Variants in DYNC2I1 observed in about 807,000 individuals in gnomAD.
The protein encoded by DYNC2I1 is cytoplasmic dynein 2 intermediate chain 1.
A neutral mutation model predicts 133.4 loss-of-function variants in DYNC2I1; 89 were observed. The ratio of observed to expected loss-of-function variants is 0.67; its 90% CI spans 0.56 to 0.80. DYNC2I1 has a LOEUF of 0.80. DYNC2I1 is among the 30% of genes least tolerant of loss of function. The pLI is 0.00. For missense variants in DYNC2I1, 1,291 were observed against 1,314.5 expected, an observed-to-expected ratio of 0.98 and a Z score of 0.28; for synonymous variants, 504 against 484.3, an observed-to-expected ratio of 1.04 and a Z score of -0.54.
intron 1 of DYNC2I1, chr7:158,869,534 A>G (rs1043609247): frequency 6.1e-6 from 3 of 493,616 alleles, no homozygotes; most frequent in Non-Finnish European, 8.2e-6. Context: ...GTCTGACACA[A>G]GATATTTTAA....
At chr7:158,920,051 G>A (rs1277290869) in intron 15 of DYNC2I1, among the ~76,000 whole-genome samples, 2 of 151,510 alleles carry the variant, frequency 1.3e-5, no homozygotes, top group Admixed American at 1.3e-4. Context: ...CCTCCAACGG[G>A]GAACACGTGA....
At chr7:158,888,826 T>C (rs991075010) in intron 7 of DYNC2I1, among the ~76,000 whole-genome samples, 1 of 152,170 alleles carries the variant, frequency 6.6e-6, no homozygotes, top group African/African-American at 2.4e-5. Flanking sequence ...AACATAATTT[T>C]ACATAAATTA....
At chr7:158,949,807 C>T (rs1222635251), downstream of DYNC2I1, among the ~76,000 whole-genome samples, 24 of 150,820 alleles carry the variant, frequency 1.6e-4, no homozygotes, top group Non-Finnish European at 1.5e-5. Context: ...GTTTCGCTCT[C>T]CTTGTCTAGG....
Position 158,901,769 on chromosome 7 carries a change from A to T in DYNC2I1, c.1090A>T (p.Asn364Tyr). ...TGAAAAGGAAGAAACTGATTTAGAA[A>T]ATGCTAGAGCTGATGCATATACAGC... ...EIEKEETDLE[N>Y]ARADAYTASC... Residue 364 changes from asparagine to tyrosine, a missense_variant, in exon 9 of 25, where the codon AAT becomes TAT. By Grantham distance (143) the Asn-to-Tyr change is moderately radical. Coordinates refer to ENST00000407559, the MANE Select transcript of DYNC2I1 (RefSeq NM_018051.5). The T allele has an allele frequency of 6.3e-7, 1 of 1,582,106 alleles. No homozygotes were observed. The highest frequency in any genetic ancestry group is 8.6e-7 in the Non-Finnish European group (1 of 1,164,320).
intron 1 of DYNC2I1, among the ~76,000 whole-genome samples, chr7:158,862,066 C>T (rs750816297): frequency 5.3e-5 from 8 of 152,180 alleles, no homozygotes; most frequent in African/African-American, 1.2e-4. Flanking sequence ...GGTCTCTTAG[C>T]GTGCGCCCTA....
intron 5 of DYNC2I1, among the ~76,000 whole-genome samples, chr7:158,882,566 C>CAT (rs1224122265): frequency 6.6e-6 from 1 of 151,970 alleles, no homozygotes; most frequent in Non-Finnish European, 1.5e-5. Flanking sequence ...CTGCGTGGTA[C>CAT]AGTAAGACCT....
intron 21 of DYNC2I1, among the ~76,000 whole-genome samples, chr7:158,932,606 C>T (rs770338217): frequency 3.3e-5 from 5 of 152,170 alleles, no homozygotes; most frequent in Non-Finnish European, 5.9e-5. Context: ...TGGTCAGGAG[C>T]CATTGCAGCA....
chr7:158,909,088 T>G (rs531728811), intron 11 of DYNC2I1, among the ~76,000 whole-genome samples: 30 of 152,152 alleles, frequency 2.0e-4, no homozygotes, highest in African/African-American at 6.7e-4. Flanking sequence ...CCCAGCACTT[T>G]GGAAGACTGA....
At chr7:158,933,882 A>T (rs1033845782) in intron 21 of DYNC2I1, among the ~76,000 whole-genome samples, 2 of 152,258 alleles carry the variant, frequency 1.3e-5, no homozygotes, top group Admixed American at 6.5e-5. Context: ...TTTACAACCA[A>T]GTGAATGGTT....
chr7:158,934,267 C>T (rs1850527951), intron 22 of DYNC2I1, 39 bp downstream of exon 22: 2 of 1,566,522 alleles, frequency 1.3e-6, no homozygotes, highest in East Asian at 2.2e-5. Flanking sequence ...TACTCATTCT[C>T]CTTGTTTTCC....
chr7:158,921,987 T>G (rs911909911), intron 15 of DYNC2I1, among the ~76,000 whole-genome samples: 2 of 152,196 alleles, frequency 1.3e-5, no homozygotes, highest in African/African-American at 4.8e-5. Context: ...CACGTGGTGT[T>G]CCAGTGCTGA....
chr7:158,876,288 G>A (rs1843350446), intron 3 of DYNC2I1, among the ~76,000 whole-genome samples: 2 of 151,974 alleles, frequency 1.3e-5, no homozygotes, highest in African/African-American at 4.8e-5. Flanking sequence ...GCACCCAGGG[G>A]GAAATTCACC....
chr7:158,882,886 A>C (rs1306936595), intron 5 of DYNC2I1, among the ~76,000 whole-genome samples: 1 of 152,008 alleles, frequency 6.6e-6, no homozygotes, highest in Non-Finnish European at 1.5e-5. Flanking sequence ...AAAAAAAAAA[A>C]AAAAAGGAAA....
chr7:158,863,232 T>A (rs1842033874), intron 1 of DYNC2I1, among the ~76,000 whole-genome samples: 1 of 151,912 alleles, frequency 6.6e-6, no homozygotes, highest in East Asian at 1.9e-4. Context: ...TTTTACAGAG[T>A]GCCGATTGGT....
chr7:158,933,316 A>G (rs1017472218), intron 21 of DYNC2I1, among the ~76,000 whole-genome samples: 3 of 152,260 alleles, frequency 2.0e-5, no homozygotes, highest in Admixed American at 1.3e-4. Context: ...AGTTAGTGTC[A>G]TAAGCTTTTG....
At chr7:158,849,843 A>C in the DYNC2I1 span, among the ~76,000 whole-genome samples, 14 of 152,224 alleles carry the variant, frequency 9.2e-5, 1 homozygote, top group Admixed American at 9.2e-4. Flanking sequence ...GAGGAAGTGC[A>C]TCCTGATTGG....
chr7:158,852,310 CG>C (rs1387481148), upstream of DYNC2I1, among the ~76,000 whole-genome samples: 1 of 151,820 alleles, frequency 6.6e-6, no homozygotes, highest in East Asian at 2.0e-4. Flanking sequence ...TTGGTAGAGA[CG>C]GGGTTTTACC....
intron 8 of DYNC2I1, 126 bp downstream of exon 8, chr7:158,891,459 G>A: frequency 9.7e-7 from 1 of 1,029,556 alleles, no homozygotes; most frequent in Non-Finnish European, 1.5e-6. Context: ...CAGAACATGA[G>A]CATGAAGGGA....
At chr7:158,926,651 G>T (rs537027182) in intron 19 of DYNC2I1, among the ~76,000 whole-genome samples, 188 bp downstream of exon 19, 2 of 152,354 alleles carry the variant, frequency 1.3e-5, no homozygotes, top group South Asian at 4.1e-4. Flanking sequence ...GGGCCCTTTC[G>T]TGACAGTGAA....
Sources: gnomAD v4.1 joint callset for allele counts (sites outside exome capture counted in the v4.1 genomes callset) on GRCh38, gnomAD v4.1.1 for gene constraint, MANE v1.5 for transcripts, NCBI Gene and HGNC (gene_info 2026-07-23, HGNC 2026-07-21) for gene names.